PLEKHM3: variants seen among roughly 807,000 people sequenced by gnomAD.
The protein encoded by PLEKHM3 is pleckstrin homology domain-containing family M member 3.
A neutral mutation model predicts 81.8 loss-of-function variants in PLEKHM3; 45 were observed. The observed-to-expected ratio is 0.55, with a 90% CI of 0.43 to 0.71. The LOEUF is 0.71. Ranked by LOEUF, PLEKHM3 falls within the 30% of genes least tolerant of loss-of-function variation. PLEKHM3 has a pLI of 0.00. For synonymous variants in PLEKHM3, 352 were observed against 356.4 expected (o/e 0.99, Z 0.14); for missense variants, 788 against 924.3 (o/e 0.85, Z 1.91).
intron 7 of PLEKHM3, among the ~76,000 whole-genome samples, chr2:207,842,094 C>T (rs889902137): frequency 6.6e-6 from 1 of 152,128 alleles, no homozygotes; most frequent in East Asian, 1.9e-4. Context: ...CACGCCACCA[C>T]GCCCAGCTAA....
intron 7 of PLEKHM3, among the ~76,000 whole-genome samples, chr2:207,830,298 C>T (rs780243241): frequency 3.9e-5 from 6 of 151,920 alleles, no homozygotes; most frequent in Non-Finnish European, 7.4e-5. Flanking sequence ...TTGGAGATAC[C>T]ATGCTTAGGA....
At chr2:207,955,036 T>C (rs1690457031) in intron 3 of PLEKHM3, among the ~76,000 whole-genome samples, 1 of 152,214 alleles carries the variant, frequency 6.6e-6, no homozygotes, top group Non-Finnish European at 1.5e-5. Flanking sequence ...ATCTTGATTT[T>C]TGCTAAAGCA....
intron 5 of PLEKHM3, among the ~76,000 whole-genome samples, chr2:207,922,822 AAAG>A (rs1348079809): frequency 2.0e-5 from 3 of 152,024 alleles, no homozygotes; most frequent in African/African-American, 7.2e-5. Flanking sequence ...AAAAAAAAAA[AAAG>A]AAGACCATCC....
intron 7 of PLEKHM3, among the ~76,000 whole-genome samples, chr2:207,858,136 A>ATATGTG (rs1553544952): frequency 7.9e-6 from 1 of 126,922 alleles, no homozygotes; most frequent in Non-Finnish European, 1.6e-5. Flanking sequence ...TCATATAGAT[A>ATATGTG]TGTGTGTGTG....
chr2:207,929,844 C>A lies in PLEKHM3; in HGVS notation c.1886+1082G>T, dbSNP rs546652864. On this transcript the variant is annotated intron_variant, in intron 5 of 7. Coordinates refer to ENST00000427836, the MANE Select transcript of PLEKHM3 (RefSeq NM_001080475.3). ...AGTTTCTTTGGATCTAATTGGATCT[C>A]AAAACTCCATCACTTCAATACTTTC... The A allele has an allele frequency of 4.5e-6, 3 of 666,368 alleles. No homozygotes were observed. The Admixed American group carries it at 6.8e-5, about 15-fold the overall frequency. The allele number at this position is 666,368 out of a possible 1,614,324, so 41.3% of individuals were successfully genotyped here. A position where few individuals can be genotyped will look rare whatever the true frequency, so the allele number is the denominator to read the frequency against.
chr2:207,999,832 T>C (rs752593120), intron 2 of PLEKHM3, among the ~76,000 whole-genome samples: 1 of 152,206 alleles, frequency 6.6e-6, no homozygotes, highest in Non-Finnish European at 1.5e-5. Flanking sequence ...GTTACACTTA[T>C]AAGCTAATTT....
chr2:208,021,105 T>C (rs145673605), intron 1 of PLEKHM3, among the ~76,000 whole-genome samples: 7 of 152,360 alleles, frequency 4.6e-5, no homozygotes, highest in East Asian at 1.9e-4. Flanking sequence ...TAAACTGTAA[T>C]AGAGTATGTC....
chr2:207,988,287 G>A (rs555710549), intron 2 of PLEKHM3, among the ~76,000 whole-genome samples: 2 of 152,294 alleles, frequency 1.3e-5, no homozygotes, highest in East Asian at 3.9e-4. Flanking sequence ...CACAGTTGCT[G>A]GAGCAACCAG....
chr2:207,895,729 A>G (rs532252120), intron 6 of PLEKHM3, among the ~76,000 whole-genome samples: 2 of 152,348 alleles, frequency 1.3e-5, no homozygotes, highest in South Asian at 2.1e-4. Context: ...GAAACCCGCT[A>G]GGTGGCATAT....
chr2:207,996,998 C>T (rs1574478377), intron 2 of PLEKHM3, among the ~76,000 whole-genome samples: 1 of 119,046 alleles, frequency 8.4e-6, no homozygotes, highest in South Asian at 2.6e-4. Context: ...TTACCTCATA[C>T]TTTATGTCCA....
chr2:207,956,947 G>C (rs377646904), intron 3 of PLEKHM3, among the ~76,000 whole-genome samples: 2 of 152,122 alleles, frequency 1.3e-5, no homozygotes, highest in African/African-American at 2.4e-5. Flanking sequence ...TACTGCACCA[G>C]TTTGACTTGA....
At chr2:207,969,737 G>A (rs1212644296) in intron 3 of PLEKHM3, among the ~76,000 whole-genome samples, 4 of 152,144 alleles carry the variant, frequency 2.6e-5, no homozygotes, top group Non-Finnish European at 5.9e-5. Context: ...GGAGGACTAA[G>A]TTACACCAAA....
intron 7 of PLEKHM3, among the ~76,000 whole-genome samples, chr2:207,859,679 C>A (rs926205808): frequency 6.6e-6 from 1 of 151,806 alleles, no homozygotes; most frequent in Admixed American, 6.6e-5. Context: ...CTTACTATAG[C>A]CTCCACCGCC....
chr2:207,909,993 T>C (rs1183401943), intron 5 of PLEKHM3, among the ~76,000 whole-genome samples: 3 of 152,190 alleles, frequency 2.0e-5, no homozygotes, highest in Non-Finnish European at 2.9e-5. Flanking sequence ...CCTGACCAGA[T>C]GGAGGACTGG....
chr2:207,898,102 C>G (rs1688284110), intron 6 of PLEKHM3, among the ~76,000 whole-genome samples: 1 of 152,188 alleles, frequency 6.6e-6, no homozygotes, highest in Non-Finnish European at 1.5e-5. Context: ...CACTAACCTC[C>G]AAATTCCTTC....
intron 7 of PLEKHM3, among the ~76,000 whole-genome samples, chr2:207,832,939 C>G (rs7369203): frequency 0.66 from 99,596 of 150,678 alleles, 33,350 homozygotes; most frequent in African/African-American, 0.76. Context: ...TGGTGAAACC[C>G]TGTCTCTACT....
chr2:207,878,490 C>T (rs2092570508), intron 6 of PLEKHM3, among the ~76,000 whole-genome samples: 1 of 152,182 alleles, frequency 6.6e-6, no homozygotes, highest in South Asian at 2.1e-4. Context: ...TGCCTGTAAT[C>T]CCAGCTACTG....
At chr2:207,881,319 GA>G (rs1252823572) in intron 6 of PLEKHM3, among the ~76,000 whole-genome samples, 15 of 152,154 alleles carry the variant, frequency 9.9e-5, no homozygotes, top group Non-Finnish European at 1.9e-4. Flanking sequence ...TACATTCACA[GA>G]AAAGAATAAG....
chr2:207,844,404 G>A (rs1436666410), intron 7 of PLEKHM3, among the ~76,000 whole-genome samples: 2 of 148,924 alleles, frequency 1.3e-5, no homozygotes, highest in Admixed American at 6.8e-5. Context: ...CCGGGCTCAC[G>A]CCATTCTCCT....
Sources: gnomAD v4.1 joint callset for allele counts (sites outside exome capture counted in the v4.1 genomes callset) on GRCh38, gnomAD v4.1.1 for gene constraint, MANE v1.5 for transcripts, NCBI Gene and HGNC (gene_info 2026-07-23, HGNC 2026-07-21) for gene names.